MPHOSPH9: variants seen among roughly 807,000 people sequenced by gnomAD.
MPHOSPH9 encodes M-phase phosphoprotein 9.
A neutral mutation model predicts 145.5 loss-of-function variants in MPHOSPH9; 88 were observed. That is an observed-to-expected ratio of 0.60 (90% CI 0.51 to 0.72). The LOEUF is 0.72. Ranked by LOEUF, MPHOSPH9 falls within the 30% of genes least tolerant of loss-of-function variation. The pLI is 0.00. For missense variants in MPHOSPH9, 1,238 were observed against 1,386.6 expected (o/e 0.89, Z 1.70); for synonymous variants, 435 against 486.2 (o/e 0.89, Z 1.39).
At chr12:123,212,308 C>T (rs933649917) in intron 7 of MPHOSPH9, among the ~76,000 whole-genome samples, 1 of 152,096 alleles carries the variant, frequency 6.6e-6, no homozygotes, top group African/African-American at 2.4e-5. Context: ...GGGAAAAGAA[C>T]ATTTCAAGTA....
chr12:123,221,836 A>C lies in MPHOSPH9; in HGVS notation c.408T>G (p.Ala136=). ...VKLQTSSASL[A]SCEGNSSNKQ... ...TGTTTGAAGAATTTCCTTCACAGGA[A>C]GCTAAGGAAGCACTACTAGTCTGTA... is the stretch of plus-strand genomic sequence containing the variant. Residue 136 remains alanine (A), a synonymous_variant, in exon 5 of 24, where the codon GCT becomes GCG. Transcript: ENST00000606320. The C allele has an allele frequency of 6.2e-7, 1 of 1,612,532 alleles. No homozygotes were observed. The highest frequency in any genetic ancestry group is 1.1e-5 in the South Asian group (1 of 91,014).
chr12:123,220,372 T>G (rs1177223700), intron 5 of MPHOSPH9, among the ~76,000 whole-genome samples: 2 of 151,860 alleles, frequency 1.3e-5, no homozygotes, highest in Non-Finnish European at 2.9e-5. Flanking sequence ...GAGACCAGCC[T>G]GGCCAACACA....
At position 123,203,332 on chromosome 12, in the gene MPHOSPH9, A is replaced by C; in HGVS notation, c.1238T>G (p.Ile413Ser). 6.2e-7 allele frequency: 1 copy of C among 1,611,512 alleles called. No individual in the cohort carries two copies. The highest frequency in any genetic ancestry group is 8.5e-7 in the Non-Finnish European group (1 of 1,177,746). ...NEMKLPSLKD[I>S]YYKKQRENKQ... ...GTTTTCCCTTTGTTTTTTATAATAA[A>C]TATCCTTCAGTGACGGTAGCTTCAT... The change falls in exon 9 of 24, where the codon ATT (isoleucine) becomes AGT (serine). Residue 413 changes from isoleucine to serine, a missense_variant. Ile to Ser is a moderately radical substitution (Grantham distance 142). Transcript: ENST00000606320.
At chr12:123,239,327 T>C (rs2047894683) in intron 1 of MPHOSPH9, among the ~76,000 whole-genome samples, 2 of 152,236 alleles carry the variant, frequency 1.3e-5, no homozygotes, top group African/African-American at 4.8e-5. Context: ...GGGTTAAATA[T>C]ACATTTCATC....
At chr12:123,176,318 T>C (rs911352357) in intron 16 of MPHOSPH9, among the ~76,000 whole-genome samples, 1 of 152,166 alleles carries the variant, frequency 6.6e-6, no homozygotes, top group African/African-American at 2.4e-5. Flanking sequence ...TTCCTTCCAT[T>C]AACATAGGAA....
rs1296652503 is a variant in MPHOSPH9 at position 123,181,562 on chromosome 12, A to G, written c.2242-352T>C. On this transcript the variant is annotated intron_variant, in intron 13 of 23. Transcript: ENST00000606320. ...TCTCTTCAAAAACAAAAACAAAAAC[A>G]AAAAAAAAACAAAAGCTGGGCTCGG... is the stretch of plus-strand genomic sequence containing the variant. Among the ~76,000 whole-genome samples, 4 of 143,300 alleles carry G rather than the reference A, an allele frequency of 2.8e-5. No homozygotes were observed. In the East Asian group the frequency reaches 8.0e-4, roughly 29 times the overall value. 94.0% of individuals were successfully genotyped at this position (143,300 alleles called of 152,430 possible).
intron 8 of MPHOSPH9, among the ~76,000 whole-genome samples, chr12:123,204,278 C>T (rs2046332485): frequency 1.4e-5 from 2 of 146,642 alleles, no homozygotes; most frequent in African/African-American, 2.5e-5. Context: ...CTTTAGCCTG[C>T]GCAACAAGAG....
upstream of MPHOSPH9, among the ~76,000 whole-genome samples, chr12:123,237,205 C>T (rs1199563160): frequency 6.6e-6 from 1 of 152,020 alleles, no homozygotes; most frequent in East Asian, 1.9e-4. Context: ...GCCTGTAATC[C>T]CAGGACTACG....
chr12:123,152,808 C>T, downstream of MPHOSPH9: 3 of 271,208 alleles, frequency 1.1e-5, 1 homozygote, highest in South Asian at 1.0e-4. Flanking sequence ...ATACATGGTC[C>T]CTCATGACAG....
intron 13 of MPHOSPH9, among the ~76,000 whole-genome samples, chr12:123,192,621 AC>A (rs2045731359): frequency 9.6e-6 from 1 of 104,168 alleles, no homozygotes; most frequent in Non-Finnish European, 2.0e-5. Flanking sequence ...AGAGTGAGAC[AC>A]CGTCTCAAAA....
In MPHOSPH9 at chr12:123,192,876, G is replaced by T. The variant is rs541393286; in HGVS notation, c.2241+1510C>A. Among the ~76,000 whole-genome samples the T allele has an allele frequency of 1.3e-4, 20 of 151,128 alleles. No individual in the cohort carries two copies. In the East Asian group the frequency reaches 3.5e-3, roughly 26 times the overall value. Reference sequence around the variant, plus strand: ...GGGCGGATCAAGAGGTCAAGAAATCGAGACCAGCCTGGCCAGCATGGTGAA... The same window carrying T: ...GGGCGGATCAAGAGGTCAAGAAATCTAGACCAGCCTGGCCAGCATGGTGAA... On this transcript the variant is annotated intron_variant, in intron 13 of 23. Transcript: ENST00000606320.
chr12:123,213,972 G>T (rs1790132), intron 7 of MPHOSPH9, among the ~76,000 whole-genome samples: 97,394 of 151,786 alleles, frequency 0.64, 35,718 homozygotes, highest in East Asian at 1. Context: ...TGTGGAGGTT[G>T]TAAGAAGTGG....
At position 123,192,426 on chromosome 12, in the gene MPHOSPH9, C is replaced by T. The variant is rs144845275; in HGVS notation, c.2241+1960G>A. ...TCAAGATCATGCCACTGCACTCCAG[C>T]GTGGGCAACCAAGCAAGACTCCATC... On this transcript the variant is annotated intron_variant, in intron 13 of 23. Coordinates refer to ENST00000606320, the MANE Select transcript of MPHOSPH9 (RefSeq NM_022782.4). Among the ~76,000 whole-genome samples the T allele has an allele frequency of 3.8e-4, 56 of 148,054 alleles. No homozygotes were observed. The East Asian group carries it at 0.01, about 28-fold the overall frequency.
chr12:123,184,351 C>CT (rs2045338803), intron 13 of MPHOSPH9, among the ~76,000 whole-genome samples: 1 of 152,090 alleles, frequency 6.6e-6, no homozygotes, highest in Non-Finnish European at 1.5e-5. Context: ...AAAAAACCTT[C>CT]TAAACATTCA....
intron 7 of MPHOSPH9, among the ~76,000 whole-genome samples, chr12:123,212,017 T>C (rs996022680): frequency 6.6e-6 from 1 of 152,220 alleles, no homozygotes; most frequent in South Asian, 2.1e-4. Flanking sequence ...GTGAGTAGTA[T>C]AGACATACAG....
At position 123,176,711 on chromosome 12, in the gene MPHOSPH9, A is replaced by T. The variant is rs771053091; in HGVS notation, c.2433T>A (p.Ile811=). ...ACTTGGCACGCGAGGGTCTCACGTGAATTCTAGAATTATGACGAAGGCTTA... is the reference window on the plus strand; with the variant it reads ...ACTTGGCACGCGAGGGTCTCACGTGTATTCTAGAATTATGACGAAGGCTTA... ...NMLSLRHNSR[I]HVRPSRANTL... The change falls in exon 16 of 24, where the codon ATT becomes ATA. Residue 811 remains isoleucine (I), a synonymous_variant. Transcript: ENST00000606320. 3 of 1,613,864 alleles carry T rather than the reference A, an allele frequency of 1.9e-6. No individual in the cohort carries two copies. The East Asian group carries it at 6.7e-5, about 36-fold the overall frequency.
chr12:123,165,944 G>C (rs1005137965), intron 17 of MPHOSPH9, among the ~76,000 whole-genome samples: 2 of 152,174 alleles, frequency 1.3e-5, no homozygotes, highest in African/African-American at 4.8e-5. Context: ...AGCATGCTTT[G>C]CAATGCAAAT....
At chr12:123,239,164 G>A (rs1005361583) in intron 1 of MPHOSPH9, among the ~76,000 whole-genome samples, 1 of 152,110 alleles carries the variant, frequency 6.6e-6, no homozygotes, top group Non-Finnish European at 1.5e-5. Context: ...AACTACTCAG[G>A]AGGCTGCGGT....
chr12:123,183,483 G>T (rs2045288669), intron 13 of MPHOSPH9, among the ~76,000 whole-genome samples: 1 of 137,916 alleles, frequency 7.3e-6, no homozygotes, highest in African/African-American at 2.5e-5. Flanking sequence ...GGAAGGCAGA[G>T]GTTGCAGTGA....
Sources: allele counts gnomAD v4.1 joint callset (sites outside exome capture counted in the v4.1 genomes callset), GRCh38; gene constraint gnomAD v4.1.1; transcripts MANE v1.5; gene names NCBI Gene and HGNC (gene_info 2026-07-23, HGNC 2026-07-21).